MADD: variants seen among roughly 807,000 people sequenced by gnomAD.
MADD encodes the protein MAP kinase-activating death domain protein.
MADD carries 109 observed loss-of-function variants against 176.7 expected under a neutral mutation model. That is an observed-to-expected ratio of 0.62 (90% CI 0.53 to 0.72). The LOEUF is 0.72. MADD is among the 30% of genes least tolerant of loss of function. The pLI, the probability that MADD is intolerant of heterozygous loss-of-function variation, is 0.00. For synonymous variants in MADD, 771 were observed against 771.3 expected, an observed-to-expected ratio of 1.00 and a Z score of 0.01; for missense variants, 1,914 against 2,045.5, an observed-to-expected ratio of 0.94 and a Z score of 1.24.
At chr11:47,283,011 A>G (rs2058069546) in intron 10 of MADD, 42 bp downstream of exon 10, 1 of 1,595,468 alleles carries the variant, frequency 6.3e-7, no homozygotes, top group Non-Finnish European at 8.6e-7. Context: ...AAAGGTGAGG[A>G]GGCTCTCACT....
chr11:47,307,426 A>G lies in MADD; in HGVS notation c.3643-1165A>G, dbSNP rs144116649. Among the ~76,000 whole-genome samples the G allele has an allele frequency of 2.1e-3, 324 of 152,274 alleles. 4 individuals are homozygous for G. Among genetic ancestry groups the G allele is most frequent in the African/African-American group, 7.3e-3 (303 of 41,552 alleles). On this transcript the variant is annotated intron_variant, in intron 22 of 32. Coordinates refer to ENST00000402192, the Ensembl canonical transcript of MADD. Reference sequence around the variant, plus strand: ...ACAGAGCTGCTGAGTGTAGCGACCTAAATTTTTTTGCTCAAACAAGGCTGT... The same window carrying G: ...ACAGAGCTGCTGAGTGTAGCGACCTGAATTTTTTTGCTCAAACAAGGCTGT...
At chr11:47,278,857 A>C (rs2053282968) in intron 6 of MADD, 142 bp from the exon 7 acceptor site, 2 of 619,330 alleles carry the variant, frequency 3.2e-6, no homozygotes, top group African/African-American at 3.7e-5. Flanking sequence ...ATGTGTGTAC[A>C]TATATCTTAC....
At position 47,285,357 on chromosome 11, in the gene MADD, G is replaced by T. The variant is rs992440906; in HGVS notation, c.2412-94G>T. The T allele has an allele frequency of 3.2e-6, 5 of 1,570,120 alleles. No homozygotes were observed. In the African/African-American group the frequency reaches 6.8e-5, roughly 21 times the overall value. On this transcript the variant is annotated intron_variant, in intron 13 of 32. Coordinates refer to ENST00000402192, the Ensembl canonical transcript of MADD. ...TCCAGGGGCTTAGGAATTACGGGAA[G>T]GGAGTGGCAACTGTAGTATAGCATA...
chr11:47,275,218 C>T, intron 3 of MADD, 59 bp downstream of exon 3: 1 of 1,447,208 alleles, frequency 6.9e-7, no homozygotes, highest in South Asian at 1.3e-5. Context: ...TGTAATTGGT[C>T]TTTGAGGGGC....
rs759473044 is a variant in MADD at position 47,323,632 on chromosome 11, G to A, written c.4198-39G>A. ...GAAACAGTCTAGGGAGAGGCTGTCA[G>A]AGACAGGAACCACTGAGCCGCTTTG... is the stretch of plus-strand genomic sequence containing the variant. On this transcript the variant is annotated intron_variant, in intron 27 of 32. Transcript: ENST00000402192. The A allele has an allele frequency of 6.2e-6, 10 of 1,604,008 alleles. No homozygotes were observed. In the East Asian group the frequency reaches 2.2e-4, roughly 36 times the overall value.
chr11:47,281,311 C>T (rs994291384), intron 7 of MADD, among the ~76,000 whole-genome samples: 4 of 152,182 alleles, frequency 2.6e-5, no homozygotes, highest in Non-Finnish European at 5.9e-5. Flanking sequence ...GATCAAGTTG[C>T]CTTGAGCTAG....
At chr11:47,312,078 A>G (rs866253583) in intron 26 of MADD, among the ~76,000 whole-genome samples, 81 of 152,256 alleles carry the variant, frequency 5.3e-4, no homozygotes, top group African/African-American at 1.9e-3. Flanking sequence ...ATTTCAAATG[A>G]TTCTAAAATG....
At chr11:47,327,525 C>T in intron 31 of MADD, 2 of 985,462 alleles carry the variant, frequency 2.0e-6, no homozygotes, top group Non-Finnish European at 2.4e-6. Flanking sequence ...CCCATCGAAC[C>T]AGCTCCTCAC....
chr11:47,322,749 T>A (rs2142002405), intron 27 of MADD, among the ~76,000 whole-genome samples: 1 of 152,342 alleles, frequency 6.6e-6, no homozygotes, highest in East Asian at 1.9e-4. Flanking sequence ...CTTGTGTAAT[T>A]AATTTTTAAA....
intron 22 of MADD, among the ~76,000 whole-genome samples, chr11:47,306,682 G>A (rs1054019926): frequency 2.0e-5 from 3 of 152,006 alleles, no homozygotes; most frequent in African/African-American, 7.2e-5. Flanking sequence ...TTCTCTATGT[G>A]GCCATCCTGA....
At position 47,293,879 on chromosome 11, in the gene MADD, T is replaced by G; in HGVS notation, c.3302-4T>G. On this transcript the variant is annotated splice_polypyrimidine_tract_variant and splice_region_variant and intron_variant, in intron 19 of 32. Transcript: ENST00000402192. ...CGGAGTAACAGAAGTCTTCCCCTAC[T>G]CAGGGCCTGAAGTAATCAAACCTGT... The G allele has an allele frequency of 6.2e-7, 1 of 1,606,890 alleles. No individual in the cohort carries two copies. Among genetic ancestry groups the G allele is most frequent in the South Asian group, 1.1e-5 (1 of 90,938 alleles).
At chr11:47,301,392 A>G (rs989393611) in intron 22 of MADD, among the ~76,000 whole-genome samples, 2 of 152,164 alleles carry the variant, frequency 1.3e-5, no homozygotes, top group African/African-American at 2.4e-5. Flanking sequence ...TGCTGGGATT[A>G]TAGGCATGAG....
chr11:47,326,921 G>A lies in MADD; in HGVS notation c.4612+114G>A, dbSNP rs2095510554. On this transcript the variant is annotated intron_variant, in intron 31 of 32. Transcript: ENST00000402192. ...AAGAAGAACCTCTGTAGAGAAGTCAGGAGGAGCAGGAGTGACAAGGAAGAA... is the reference window on the plus strand; with the variant it reads ...AAGAAGAACCTCTGTAGAGAAGTCAAGAGGAGCAGGAGTGACAAGGAAGAA... 2.7e-6 allele frequency: 4 copies of A among 1,499,616 alleles called. No individual in the cohort carries two copies. In the Admixed American group the frequency reaches 7.1e-5, roughly 27 times the overall value. The allele number at this position is 1,499,616 out of a possible 1,614,324, so 92.9% of individuals were successfully genotyped here.
At position 47,294,143 on chromosome 11, in the gene MADD, A is replaced by T. The variant is rs575608969; in HGVS notation, c.3402+160A>T. ...GGCGGGTGGGTCACCTGAGGTCGGGAGTTCGAGACCAGCCTGACCAACATG... is the reference window on the plus strand; with the variant it reads ...GGCGGGTGGGTCACCTGAGGTCGGGTGTTCGAGACCAGCCTGACCAACATG... On this transcript the variant is annotated intron_variant, in intron 20 of 32. Coordinates refer to ENST00000402192, the Ensembl canonical transcript of MADD. 2.2e-3 allele frequency among the ~76,000 whole-genome samples: 340 copies of T among 152,048 alleles called. 1 individual carries two copies. Among genetic ancestry groups the T allele is most frequent in the Non-Finnish European group, 3.3e-3 (226 of 67,980 alleles).
intron 22 of MADD, 31 bp downstream of exon 24, chr11:47,296,086 A>G (rs1436583087): frequency 6.3e-7 from 1 of 1,587,886 alleles, no homozygotes; most frequent in South Asian, 1.1e-5. Flanking sequence ...AAAGAAAACC[A>G]TTTCTTTAAT....
intron 8 of MADD, 119 bp from the exon 9 acceptor site, chr11:47,282,262 T>A: frequency 1.4e-6 from 1 of 712,004 alleles, no homozygotes; most frequent in Non-Finnish European, 2.4e-6. Context: ...CTTTAAGATA[T>A]CTCTCCCCTT....
In MADD at chr11:47,296,053, T is replaced by A. The variant is rs751505751; in HGVS notation, c.3640T>A (p.Phe1214Ile). The change falls in exon 22 of 33, where the codon TTT becomes ATT. Residue 1214 changes from phenylalanine to isoleucine, a missense_variant and splice_region_variant. By Grantham distance (21) the Phe-to-Ile change is conservative. Around this residue, in one of 2 missense-constraint regions of MADD, gnomAD observed 1,767 missense variants for 1,836.0 expected, o/e 0.96. Coordinates refer to ENST00000402192, the Ensembl canonical transcript of MADD. Reference sequence around the variant, plus strand: ...GACCAACTCTGCCACAAGCACCATCTTTGTAAGCTTTGTTTATTAACAAAA... The same window carrying A: ...GACCAACTCTGCCACAAGCACCATCATTGTAAGCTTTGTTTATTAACAAAA... 19 of 1,610,432 alleles carry A rather than the reference T, an allele frequency of 1.2e-5. No homozygotes were observed. The highest frequency in any genetic ancestry group is 1.6e-4 in the Middle Eastern group (1 of 6,078).
chr11:47,273,801 CT>C (rs1386977979), intron 1 of MADD, 25 bp from the exon 2 acceptor site: 1 of 849,102 alleles, frequency 1.2e-6, no homozygotes, highest in Admixed American at 2.0e-5. Context: ...AGCAGTGGAT[CT>C]TATCAGTACT....
At position 47,284,926 on chromosome 11, in the gene MADD, TC is replaced by T. The variant is rs927066765; in HGVS notation, c.2158-14del. On this transcript the variant is annotated splice_polypyrimidine_tract_variant and intron_variant, in intron 12 of 32. Transcript: ENST00000402192. ...GGGCACCAGGTAACCACTTTTAATTTCATGCGGCCTTTAGGAACCTGCTGAC... is the reference window on the plus strand; with the variant it reads ...GGGCACCAGGTAACCACTTTTAATTTATGCGGCCTTTAGGAACCTGCTGAC... The T allele has an allele frequency of 1.9e-6, 3 of 1,612,706 alleles. No homozygotes were observed. The highest frequency in any genetic ancestry group is 2.5e-6 in the Non-Finnish European group (3 of 1,179,550).
Sources: allele counts gnomAD v4.1 joint callset (sites outside exome capture counted in the v4.1 genomes callset), GRCh38; gene constraint gnomAD v4.1.1; regional missense constraint gnomAD v4.1.1; transcripts MANE v1.5; gene names NCBI Gene and HGNC (gene_info 2026-07-23, HGNC 2026-07-21).